Variants in NELL1 observed in about 807,000 individuals in gnomAD.
The protein encoded by NELL1 is neural EGFL like 1.
NELL1 carries 76 observed loss-of-function variants against 107.4 expected under a neutral mutation model. The ratio of observed to expected loss-of-function variants is 0.71; its 90% CI spans 0.59 to 0.86. The LOEUF (loss-of-function observed/expected upper bound fraction) is 0.86, where lower values mean the gene tolerates loss of function less well. Ranked by LOEUF, NELL1 falls within the 40% of genes least tolerant of loss-of-function variation. The probability of loss-of-function intolerance (pLI) is 0.00; values close to 1 mark genes in which losing one functional copy is unlikely to be tolerated. For missense variants in NELL1, 1,024 were observed against 1,005.5 expected, an observed-to-expected ratio of 1.02 and a Z score of -0.25; for synonymous variants, 353 against 341.2, an observed-to-expected ratio of 1.03 and a Z score of -0.38.
chr11:21,105,263 C>T (rs1809848808), intron 12 of NELL1, among the ~76,000 whole-genome samples: 1 of 152,088 alleles, frequency 6.6e-6, no homozygotes, highest in East Asian at 1.9e-4. Flanking sequence ...AGCTCTCTCT[C>T]CTGCAGAGAG....
intron 17 of NELL1, among the ~76,000 whole-genome samples, chr11:21,563,349 T>C (rs1226118382): frequency 6.6e-6 from 1 of 152,050 alleles, no homozygotes; most frequent in Non-Finnish European, 1.5e-5. Context: ...TGTGTTTATG[T>C]TGCAGATCAT....
At chr11:21,059,823 G>A (rs1417714087) in intron 12 of NELL1, among the ~76,000 whole-genome samples, 1 of 152,104 alleles carries the variant, frequency 6.6e-6, no homozygotes, top group East Asian at 1.9e-4. Flanking sequence ...TTGGAGCTAT[G>A]TCCTTAAATT....
At chr11:20,863,228 G>A (rs1158214671) in intron 4 of NELL1, among the ~76,000 whole-genome samples, 1 of 149,360 alleles carries the variant, frequency 6.7e-6, no homozygotes, top group Non-Finnish European at 1.5e-5. Flanking sequence ...GGGCAGAGGC[G>A]CCCCCCACCT....
intron 12 of NELL1, among the ~76,000 whole-genome samples, chr11:20,994,769 A>G (rs1430208298): frequency 6.6e-6 from 1 of 152,182 alleles, no homozygotes; most frequent in Non-Finnish European, 1.5e-5. Context: ...CCCTGGAGTT[A>G]CTCTAGTTAT....
At chr11:21,396,288 A>G (rs1851978459) in intron 15 of NELL1, among the ~76,000 whole-genome samples, 1 of 151,682 alleles carries the variant, frequency 6.6e-6, no homozygotes, top group Non-Finnish European at 1.5e-5. Flanking sequence ...ACCCACATTT[A>G]TATGATTTCT....
intron 13 of NELL1, among the ~76,000 whole-genome samples, chr11:21,216,983 TAG>T (rs1280103454): frequency 6.6e-6 from 1 of 152,092 alleles, no homozygotes; most frequent in East Asian, 1.9e-4. Flanking sequence ...CCCTGAATTG[TAG>T]TTCCCATAAT....
chr11:21,012,215 C>T (rs895810170), intron 12 of NELL1, among the ~76,000 whole-genome samples: 2 of 152,146 alleles, frequency 1.3e-5, no homozygotes, highest in African/African-American at 2.4e-5. Context: ...CTGTTTTTTA[C>T]AGCATCCTGG....
At chr11:21,078,464 G>A (rs1017362886) in intron 12 of NELL1, among the ~76,000 whole-genome samples, 2 of 151,998 alleles carry the variant, frequency 1.3e-5, no homozygotes, top group African/African-American at 4.8e-5. Context: ...TACTAAGGCA[G>A]AACACATTAA....
At chr11:21,002,169 C>T (rs1197732132) in intron 12 of NELL1, among the ~76,000 whole-genome samples, 1 of 152,164 alleles carries the variant, frequency 6.6e-6, no homozygotes, top group Non-Finnish European at 1.5e-5. Context: ...CAAACTGCCT[C>T]TCCATATATT....
At position 21,575,347 on chromosome 11, in the gene NELL1, G is replaced by T. The variant is rs1309750119; in HGVS notation, c.*325G>T. Reference sequence around the variant, plus strand: ...AAATGATCTCATGGTAAATGTTGATGTATTTTTTGGTTTATTTTGTGTACT... The same window carrying T: ...AAATGATCTCATGGTAAATGTTGATTTATTTTTTGGTTTATTTTGTGTACT... On this transcript the variant is annotated 3_prime_UTR_variant, in exon 20 of 20. Transcript: ENST00000357134. 4 of 232,444 alleles carry T rather than the reference G, an allele frequency of 1.7e-5. No homozygotes were observed. Among genetic ancestry groups the T allele is most frequent in the Non-Finnish European group, 3.4e-5 (4 of 117,340 alleles). The allele number at this position is 232,444 out of a possible 1,614,324, so 14.4% of individuals were successfully genotyped here. A position where few individuals can be genotyped will look rare whatever the true frequency, so the allele number is the denominator to read the frequency against.
rs182243123 is a variant in NELL1 at position 20,709,639 on chromosome 11, C to G, written c.184+31579C>G. ...TGTAGATTGCTTTTGGCACTAAGGT[C>G]ATTTTCACAATATTGATTCTACCCA... On this transcript the variant is annotated intron_variant, in intron 2 of 19. Coordinates refer to ENST00000357134, the MANE Select transcript of NELL1 (RefSeq NM_006157.5). Among the ~76,000 whole-genome samples the G allele has an allele frequency of 5.1e-4, 77 of 152,234 alleles. 1 individual carries two copies. The East Asian group carries it at 0.013, about 25-fold the overall frequency.
intron 12 of NELL1, among the ~76,000 whole-genome samples, chr11:20,999,454 T>G (rs948895413): frequency 1.3e-5 from 2 of 152,230 alleles, no homozygotes; most frequent in African/African-American, 2.4e-5. Context: ...GTTCCGTGAA[T>G]GTGGGCTTCC....
intron 13 of NELL1, among the ~76,000 whole-genome samples, chr11:21,206,320 G>A (rs1857388899): frequency 6.6e-6 from 1 of 152,082 alleles, no homozygotes; most frequent in African/African-American, 2.4e-5. Flanking sequence ...GTATCACAGT[G>A]TGCCTTCTGC....
At chr11:21,268,883 A>G (rs978058567) in intron 14 of NELL1, among the ~76,000 whole-genome samples, 1 of 152,196 alleles carries the variant, frequency 6.6e-6, no homozygotes, top group East Asian at 1.9e-4. Flanking sequence ...GGTTAACATG[A>G]AAAGGATTCT....
At chr11:20,753,028 A>C (rs1856178054) in intron 2 of NELL1, among the ~76,000 whole-genome samples, 1 of 152,224 alleles carries the variant, frequency 6.6e-6, no homozygotes, top group Admixed American at 6.5e-5. Context: ...AATGGTCTTA[A>C]TACAGTACAG....
At chr11:20,887,555 G>C (rs1049418577) in intron 5 of NELL1, among the ~76,000 whole-genome samples, 2 of 152,134 alleles carry the variant, frequency 1.3e-5, no homozygotes, top group African/African-American at 4.8e-5. Flanking sequence ...ACTGAGTGTT[G>C]GAATGGAAAT....
chr11:21,097,739 T>C (rs940760143), intron 12 of NELL1, among the ~76,000 whole-genome samples: 3 of 152,180 alleles, frequency 2.0e-5, no homozygotes, highest in African/African-American at 7.2e-5. Flanking sequence ...GGCTAAATCC[T>C]TTGAAGAGAA....
intron 12 of NELL1, among the ~76,000 whole-genome samples, chr11:21,029,015 T>C (rs1454753872): frequency 1.3e-5 from 2 of 152,174 alleles, no homozygotes; most frequent in East Asian, 3.9e-4. Flanking sequence ...CAGTTACTGC[T>C]CCTTTCCAAT....
At chr11:21,291,425 A>C (rs58028601) in intron 14 of NELL1, among the ~76,000 whole-genome samples, 11 of 151,606 alleles carry the variant, frequency 7.3e-5, no homozygotes, top group Non-Finnish European at 1.6e-4. Flanking sequence ...TTGAGATGAT[A>C]ATTAATAGAC....
Sources: gnomAD v4.1 joint callset for allele counts (sites outside exome capture counted in the v4.1 genomes callset) on GRCh38, gnomAD v4.1.1 for gene constraint, MANE v1.5 for transcripts, NCBI Gene and HGNC (gene_info 2026-07-23, HGNC 2026-07-21) for gene names.